Variants in DPYSL2 observed in about 807,000 individuals in gnomAD.
DPYSL2 encodes the protein dihydropyrimidinase-related protein 2.
Under a neutral mutation model 69.9 loss-of-function variants are expected in DPYSL2, and 13 were observed. The ratio of observed to expected loss-of-function variants is 0.19; its 90% CI spans 0.12 to 0.30. The LOEUF is 0.30. Among genes scored for constraint, DPYSL2 ranks in the 10% least tolerant of loss-of-function variants. The pLI is 1.00. For synonymous variants in DPYSL2, 326 were observed against 359.1 expected, an observed-to-expected ratio of 0.91 and a Z score of 1.04; for missense variants, 587 against 918.9, an observed-to-expected ratio of 0.64 and a Z score of 4.67.
chr8:26,543,673 G>C (rs563450826), intron 1 of DPYSL2, among the ~76,000 whole-genome samples: 1 of 152,302 alleles, frequency 6.6e-6, no homozygotes, highest in African/African-American at 2.4e-5. Context: ...TTTTAGTAGA[G>C]ACAGTGTTTC....
intron 1 of DPYSL2, among the ~76,000 whole-genome samples, chr8:26,570,379 A>G (rs1801217315): frequency 6.6e-6 from 1 of 152,176 alleles, no homozygotes; most frequent in South Asian, 2.1e-4. Context: ...AAGACAGCCG[A>G]TCACCTGTGC....
intron 3 of DPYSL2, among the ~76,000 whole-genome samples, chr8:26,595,626 C>T (rs1801843521): frequency 6.6e-6 from 1 of 152,238 alleles, no homozygotes; most frequent in Non-Finnish European, 1.5e-5. Flanking sequence ...TGCTGAGCTT[C>T]CAGGCAGGGC....
At chr8:26,561,173 C>T (rs749049691) in intron 1 of DPYSL2, among the ~76,000 whole-genome samples, 8 of 152,056 alleles carry the variant, frequency 5.3e-5, no homozygotes, top group Non-Finnish European at 1.0e-4. Flanking sequence ...TATCCAGTTG[C>T]CTCTCAGCAG....
At position 26,590,489 on chromosome 8, in the gene DPYSL2, G is replaced by A. The variant is rs544233510; in HGVS notation, c.628+6506G>A. On this transcript the variant is annotated intron_variant, in intron 3 of 13. Transcript: ENST00000521913. ...CCTCAGGTGTCACTGCGTGAATCTC[G>A]GCCTTGAACGGCTGGACTGGAAGAA... Among the ~76,000 whole-genome samples, 952 of 105,422 alleles carry A rather than the reference G, an allele frequency of 9.0e-3. 5 individuals carry two copies. The highest frequency in any genetic ancestry group is 0.033 in the African/African-American group (869 of 26,494). 69.2% of individuals were successfully genotyped at this position (105,422 alleles called of 152,430 possible).
At chr8:26,538,337 A>T (rs920738534) in intron 1 of DPYSL2, among the ~76,000 whole-genome samples, 1 of 152,226 alleles carries the variant, frequency 6.6e-6, no homozygotes, top group South Asian at 2.1e-4. Flanking sequence ...AAGGAACTAT[A>T]GTAACCCAGT....
In DPYSL2 at chr8:26,556,308, ATATATATAC is replaced by A. The variant is rs1307495644; in HGVS notation, c.355-25652_355-25644del. Among the ~76,000 whole-genome samples the A allele has an allele frequency of 9.0e-5, 3 of 33,496 alleles. 1 individual carries two copies. The highest frequency in any genetic ancestry group is 1.9e-4 in the African/African-American group (2 of 10,510). 22.0% of individuals were successfully genotyped at this position (33,496 alleles called of 152,430 possible). Reference sequence around the variant, plus strand: ...ATAATATATATAGTATATATATAGTATATATATACTATATATATAGTATATATATAGTAT... The same window carrying A: ...ATAATATATATAGTATATATATAGTATATATATATAGTATATATATAGTAT... On this transcript the variant is annotated intron_variant, in intron 1 of 13. Transcript: ENST00000521913.
chr8:26,622,848 C>G (rs971836198), intron 3 of DPYSL2, among the ~76,000 whole-genome samples: 2 of 152,202 alleles, frequency 1.3e-5, no homozygotes, highest in Non-Finnish European at 2.9e-5. Flanking sequence ...TGAACCATTT[C>G]AGAAATCTGA....
At chr8:26,528,509 T>C (rs1280677306) in intron 1 of DPYSL2, among the ~76,000 whole-genome samples, 1 of 151,786 alleles carries the variant, frequency 6.6e-6, no homozygotes, top group African/African-American at 2.4e-5. Flanking sequence ...TAGCTGGGCA[T>C]GGTGACTTGC....
At chr8:26,529,642 C>CA (rs1800465857) in intron 1 of DPYSL2, among the ~76,000 whole-genome samples, 1 of 151,718 alleles carries the variant, frequency 6.6e-6, no homozygotes. Flanking sequence ...AAACTTGATG[C>CA]ATGTTCAGAG....
rs137892733 is a variant in DPYSL2, at chr8:26,587,522, G to T, written c.628+3539G>T. ...ACTCCTTTCTGTCTGAAATGGCGCC[G>T]CATGTAGAGGAAAACACAGCCAAAT... On this transcript the variant is annotated intron_variant, in intron 3 of 13. Coordinates refer to ENST00000521913, the MANE Select transcript of DPYSL2 (RefSeq NM_001197293.3). The surrounding 1 kb of genome is among the most constrained non-coding windows in gnomAD (Gnocchi z 4.2). Among the ~76,000 whole-genome samples, 5 of 152,274 alleles carry T rather than the reference G, an allele frequency of 3.3e-5. No individual in the cohort carries two copies. Among genetic ancestry groups the T allele is most frequent in the African/African-American group, 1.2e-4 (5 of 41,546 alleles).
rs115273392 is a variant in DPYSL2, at chr8:26,600,237, C to A, written c.628+16254C>A. On this transcript the variant is annotated intron_variant, in intron 3 of 13. Coordinates refer to ENST00000521913, the MANE Select transcript of DPYSL2 (RefSeq NM_001197293.3). ...ATGTACATTTGTGGGCAAGCATTTG[C>A]GTGGGCGTGTGTTTTCTGTTCTCTT... Among the ~76,000 whole-genome samples the A allele has an allele frequency of 1.1e-3, 174 of 152,246 alleles. 2 individuals are homozygous for A. Among genetic ancestry groups the A allele is most frequent in the African/African-American group, 4.0e-3 (167 of 41,548 alleles).
At chr8:26,568,218 G>C (rs17320156) in intron 1 of DPYSL2, among the ~76,000 whole-genome samples, 52,538 of 152,060 alleles carry the variant, frequency 0.35, 11,375 homozygotes, top group East Asian at 0.66. Flanking sequence ...CCAGTCGTTG[G>C]GTTGATGACA....
chr8:26,655,783 CTT>C lies in DPYSL2; in HGVS notation c.*89_*90del, dbSNP rs1214866914. The C allele has an allele frequency of 2.4e-3, 2,087 of 879,546 alleles. No homozygotes were observed. The highest frequency in any genetic ancestry group is 3.2e-3 in the South Asian group (116 of 36,480). 54.5% of individuals were successfully genotyped at this position (879,546 alleles called of 1,614,324 possible). ...CATTCTGAGACTTCTTTCTTCCTTC[CTT>C]TTTTTTTTTTTGTTTTTTTTTTTAA... On this transcript the variant is annotated 3_prime_UTR_variant, in exon 14 of 14. Coordinates refer to ENST00000521913, the MANE Select transcript of DPYSL2 (RefSeq NM_001197293.3).
intron 3 of DPYSL2, among the ~76,000 whole-genome samples, chr8:26,596,176 C>A (rs1801858086): frequency 6.6e-6 from 1 of 152,150 alleles, no homozygotes; most frequent in African/African-American, 2.4e-5. Context: ...GCAACTTTAG[C>A]TTCAGAGTTT....
rs190778109 is a variant in DPYSL2, at chr8:26,654,444, G to A, written c.1942+1047G>A. On this transcript the variant is annotated intron_variant, in intron 13 of 13. Transcript: ENST00000521913. This position sits in a 1 kb window ranked among gnomAD's most constrained non-coding sequence, Gnocchi z 5.0. ...GAGAGAATTTTTTTTCTTGGTGGTTGTATGGGTTTTTAGAAAGTAACCTAT... is the reference window on the plus strand; with the variant it reads ...GAGAGAATTTTTTTTCTTGGTGGTTATATGGGTTTTTAGAAAGTAACCTAT... Among the ~76,000 whole-genome samples the A allele has an allele frequency of 2.4e-3, 360 of 152,164 alleles. 2 individuals carry two copies. The highest frequency in any genetic ancestry group is 3.9e-3 in the Non-Finnish European group (266 of 67,998).
chr8:26,589,123 C>T (rs989442054), intron 3 of DPYSL2, among the ~76,000 whole-genome samples: 1 of 152,212 alleles, frequency 6.6e-6, no homozygotes, highest in Non-Finnish European at 1.5e-5. Flanking sequence ...CAGAACCCTC[C>T]ACGACGCGGC....
Position 26,647,493 on chromosome 8 carries a change from G to C in DPYSL2, c.1426-137G>C. 1 of 896,028 alleles carries C rather than the reference G, an allele frequency of 1.1e-6. No homozygotes were observed. The highest frequency in any genetic ancestry group is 1.7e-6 in the Non-Finnish European group (1 of 584,400). 55.5% of individuals were successfully genotyped at this position (896,028 alleles called of 1,614,324 possible). On this transcript the variant is annotated intron_variant, in intron 10 of 13. Coordinates refer to ENST00000521913, the MANE Select transcript of DPYSL2 (RefSeq NM_001197293.3). The surrounding 1 kb of genome is among the most constrained non-coding windows in gnomAD (Gnocchi z 5.1). Reference sequence around the variant, plus strand: ...CATACAGTGTGTGACCTTTGAGACGGTTTGTGTTTCACTTGGCACAACGCT... The same window carrying C: ...CATACAGTGTGTGACCTTTGAGACGCTTTGTGTTTCACTTGGCACAACGCT...
At position 26,514,487 on chromosome 8, in the gene DPYSL2, G is replaced by A; in HGVS notation, c.162G>A (p.Ser54=). Reference sequence around the variant, plus strand: ...AGAACAAGACCATCGACTTCGACTCGCTGTCGGTGGGCCGGGGCTCGGGGC... The same window carrying A: ...AGAACAAGACCATCGACTTCGACTCACTGTCGGTGGGCCGGGGCTCGGGGC... ...SSENKTIDFD[S]LSVGRGSGQV... is the part of the protein sequence containing the mutation. Residue 54 remains serine (S), a synonymous_variant, in exon 1 of 14, where the codon TCG becomes TCA. Transcript: ENST00000521913. This position sits in a 1 kb window ranked among gnomAD's most constrained non-coding sequence, Gnocchi z 8.4. 1 of 1,528,896 alleles carries A rather than the reference G, an allele frequency of 6.5e-7. No homozygotes were observed. The highest frequency in any genetic ancestry group is 8.7e-7 in the Non-Finnish European group (1 of 1,144,372). The allele number at this position is 1,528,896 out of a possible 1,614,324, so 94.7% of individuals were successfully genotyped here.
chr8:26,654,637 G>A lies in DPYSL2; in HGVS notation c.1943-978G>A, dbSNP rs1218320407. On this transcript the variant is annotated intron_variant, in intron 13 of 13. Coordinates refer to ENST00000521913, the MANE Select transcript of DPYSL2 (RefSeq NM_001197293.3). This position sits in a 1 kb window ranked among gnomAD's most constrained non-coding sequence, Gnocchi z 5.0. Reference sequence around the variant, plus strand: ...TGTGATTATATGTGTAGGATTAGGGGATTAGAATGCCAGAAGAGGGCTATG... The same window carrying A: ...TGTGATTATATGTGTAGGATTAGGGAATTAGAATGCCAGAAGAGGGCTATG... Among the ~76,000 whole-genome samples, 1 of 152,116 alleles carries A rather than the reference G, an allele frequency of 6.6e-6. No homozygotes were observed. Among genetic ancestry groups the A allele is most frequent in the Non-Finnish European group, 1.5e-5 (1 of 68,024 alleles).
Sources: gnomAD v4.1 joint callset for allele counts (sites outside exome capture counted in the v4.1 genomes callset) on GRCh38, gnomAD v4.1.1 for gene constraint, Gnocchi (gnomAD v3.1) non-coding constraint, MANE v1.5 for transcripts, NCBI Gene and HGNC (gene_info 2026-07-23, HGNC 2026-07-21) for gene names.